The following SNX18 variants were observed in gnomAD, a reference collection of about 807,000 sequenced individuals.
SNX18 encodes the protein sorting nexin-18.
A neutral mutation model predicts 48.7 loss-of-function variants in SNX18; 35 were observed. The observed-to-expected ratio is 0.72, with a 90% CI of 0.55 to 0.95. The LOEUF (loss-of-function observed/expected upper bound fraction) is 0.95. Ranked by LOEUF, SNX18 falls within the 40% of genes least tolerant of loss-of-function variation. SNX18 has a pLI of 0.00. For synonymous variants in SNX18, 492 were observed against 384.7 expected, an observed-to-expected ratio of 1.28 and a Z score of -3.26; for missense variants, 824 against 871.0, an observed-to-expected ratio of 0.95 and a Z score of 0.68.
the SNX18 span, among the ~76,000 whole-genome samples, chr5:54,591,555 G>A: frequency 6.6e-6 from 1 of 152,214 alleles, no homozygotes; most frequent in South Asian, 2.1e-4. Context: ...GGGCAGGAAA[G>A]CTTGCACCAT....
intron 1 of SNX18, among the ~76,000 whole-genome samples, chr5:54,537,918 T>C (rs1762387514): frequency 6.6e-6 from 1 of 152,236 alleles, no homozygotes; most frequent in Non-Finnish European, 1.5e-5. Flanking sequence ...TGCAGCTGGT[T>C]GTATTGTACC....
At chr5:54,612,921 G>A in the SNX18 span, among the ~76,000 whole-genome samples, 3 of 152,166 alleles carry the variant, frequency 2.0e-5, no homozygotes, top group Non-Finnish European at 4.4e-5. Context: ...TAATCCAGAC[G>A]TAAGGCATCT....
At chr5:54,601,323 C>T in the SNX18 span, among the ~76,000 whole-genome samples, 1 of 152,182 alleles carries the variant, frequency 6.6e-6, no homozygotes, top group African/African-American at 2.4e-5. Context: ...AACCATCTAA[C>T]CATTTATCTA....
the SNX18 span, among the ~76,000 whole-genome samples, chr5:54,568,752 C>G: frequency 6.6e-6 from 1 of 151,260 alleles, no homozygotes; most frequent in South Asian, 2.1e-4. Flanking sequence ...GGTTGCAGGA[C>G]AGAGAGGCCT....
the SNX18 span, among the ~76,000 whole-genome samples, chr5:54,611,954 T>C: frequency 5.9e-5 from 9 of 151,864 alleles, no homozygotes; most frequent in Non-Finnish European, 1.0e-4. Context: ...CATAACTCAC[T>C]GTAACCTCAA....
chr5:54,621,639 G>A, the SNX18 span, among the ~76,000 whole-genome samples: 1 of 152,072 alleles, frequency 6.6e-6, no homozygotes, highest in Non-Finnish European at 1.5e-5. Context: ...GCACAACAAC[G>A]TTACTGTTCA....
At chr5:54,647,816 G>T in the SNX18 span, among the ~76,000 whole-genome samples, 48 of 152,274 alleles carry the variant, frequency 3.2e-4, no homozygotes, top group Middle Eastern at 6.8e-3. Flanking sequence ...CAACAGGGAT[G>T]AAGAGTTGAG....
the SNX18 span, among the ~76,000 whole-genome samples, chr5:54,587,255 C>CTTACTT: frequency 2.6e-5 from 4 of 152,092 alleles, no homozygotes; most frequent in Non-Finnish European, 5.9e-5. Context: ...GGGAATTGTC[C>CTTACTT]TTACGTAAAA....
At chr5:54,572,819 A>C in the SNX18 span, among the ~76,000 whole-genome samples, 14 of 100,658 alleles carry the variant, frequency 1.4e-4, no homozygotes, top group Non-Finnish European at 2.3e-4. Flanking sequence ...TCTGAGACAG[A>C]GTATCACTTC....
At chr5:54,599,321 G>A in the SNX18 span, among the ~76,000 whole-genome samples, 3 of 152,130 alleles carry the variant, frequency 2.0e-5, no homozygotes, top group African/African-American at 7.2e-5. Context: ...TCTGCTCAAG[G>A]AAGCCAGAGA....
At chr5:54,584,615 C>G in the SNX18 span, among the ~76,000 whole-genome samples, 6 of 151,938 alleles carry the variant, frequency 3.9e-5, no homozygotes, top group Non-Finnish European at 7.4e-5. Context: ...GTTCTGAATA[C>G]AAAAAAATAT....
At chr5:54,549,617 C>T (rs1051121378), downstream of SNX18, among the ~76,000 whole-genome samples, 3 of 152,274 alleles carry the variant, frequency 2.0e-5, no homozygotes, top group Admixed American at 6.5e-5. Context: ...GAATTTGTCC[C>T]GTAGCTCTAA....
the SNX18 span, among the ~76,000 whole-genome samples, chr5:54,590,071 G>A: frequency 6.6e-6 from 1 of 152,210 alleles, no homozygotes; most frequent in African/African-American, 2.4e-5. Context: ...TATTATAGGC[G>A]TGAGCCACTG....
the SNX18 span, among the ~76,000 whole-genome samples, chr5:54,634,592 C>T: frequency 6.6e-6 from 1 of 151,794 alleles, no homozygotes; most frequent in Non-Finnish European, 1.5e-5. Context: ...TGGCCCAGGA[C>T]AATTCTTCTC....
chr5:54,601,074 C>T, the SNX18 span, among the ~76,000 whole-genome samples: 1 of 150,064 alleles, frequency 6.7e-6, no homozygotes, highest in Non-Finnish European at 1.5e-5. Context: ...CCCTCCATCC[C>T]TCCCGTCCTC....
At chr5:54,609,199 A>G in the SNX18 span, among the ~76,000 whole-genome samples, 1 of 152,356 alleles carries the variant, frequency 6.6e-6, no homozygotes, top group East Asian at 1.9e-4. Flanking sequence ...AGCACTTAAA[A>G]TGCAGCTAGT....
chr5:54,615,116 C>T, the SNX18 span, among the ~76,000 whole-genome samples: 111,760 of 152,088 alleles, frequency 0.73, 41,827 homozygotes, highest in African/African-American at 0.88. Flanking sequence ...TTAGAGAGGT[C>T]TGGGAGGAAG....
the SNX18 span, among the ~76,000 whole-genome samples, chr5:54,642,253 C>G: frequency 6.6e-6 from 1 of 152,168 alleles, no homozygotes; most frequent in African/African-American, 2.4e-5. Context: ...CCTCTTTAAT[C>G]CCAGAGTTCG....
chr5:54,577,406 A>G, the SNX18 span, among the ~76,000 whole-genome samples: 2 of 133,120 alleles, frequency 1.5e-5, no homozygotes, highest in Non-Finnish European at 3.1e-5. Flanking sequence ...AGGAGAAAAT[A>G]TCAGAAGGGA....
Sources: allele counts gnomAD v4.1 joint callset (sites outside exome capture counted in the v4.1 genomes callset), GRCh38; gene constraint gnomAD v4.1.1; transcripts MANE v1.5; gene names NCBI Gene and HGNC (gene_info 2026-07-23, HGNC 2026-07-21).